The following AGBL1 variants were observed in gnomAD, a reference collection of about 807,000 sequenced individuals.
AGBL1 encodes the protein AGBL carboxypeptidase 1, also known as cytosolic carboxypeptidase 4.
In AGBL1, 130 loss-of-function variants were observed where a neutral mutation model predicts 118.9. That is an observed-to-expected ratio of 1.09 (90% CI 0.95 to 1.26). The LOEUF is 1.26. Among genes scored for constraint, AGBL1 ranks in the 50% most tolerant of loss-of-function variants. The pLI is 0.00. For missense variants in AGBL1, 1,584 were observed against 1,298.1 expected (o/e 1.22, Z -3.38); for synonymous variants, 555 against 478.9 (o/e 1.16, Z -2.08).
chr15:86,731,178 T>G (rs1007202075), intron 22 of AGBL1, among the ~76,000 whole-genome samples: 14 of 152,174 alleles, frequency 9.2e-5, no homozygotes, highest in Admixed American at 4.6e-4. Context: ...ACATGAATTA[T>G]GTCCAAACTA....
At chr15:86,968,176 A>G (rs1173474819) in intron 23 of AGBL1, among the ~76,000 whole-genome samples, 1 of 151,884 alleles carries the variant, frequency 6.6e-6, no homozygotes, top group East Asian at 1.9e-4. Context: ...CATTTGGAGT[A>G]GTGACAATGA....
intron 22 of AGBL1, among the ~76,000 whole-genome samples, chr15:86,769,404 A>G (rs1169295909): frequency 6.6e-6 from 1 of 151,974 alleles, no homozygotes; most frequent in Admixed American, 6.6e-5. Flanking sequence ...TTGGCTATAA[A>G]TGCCTTTGCT....
At chr15:86,498,873 C>T (rs2082885092) in intron 18 of AGBL1, among the ~76,000 whole-genome samples, 1 of 151,802 alleles carries the variant, frequency 6.6e-6, no homozygotes, top group Admixed American at 6.6e-5. Context: ...AAAGTACAGG[C>T]CTGAATTTTC....
intron 23 of AGBL1, among the ~76,000 whole-genome samples, chr15:86,987,251 G>C (rs1017614692): frequency 4.6e-5 from 7 of 152,234 alleles, no homozygotes; most frequent in Non-Finnish European, 5.9e-5. Context: ...GGGCTCAGAG[G>C]CCTGACAGTT....
At chr15:86,718,402 A>G (rs922841249) in intron 22 of AGBL1, among the ~76,000 whole-genome samples, 2 of 152,132 alleles carry the variant, frequency 1.3e-5, no homozygotes, top group Non-Finnish European at 1.5e-5. Context: ...GGGTGTAGGC[A>G]GGAGGGATAG....
intron 18 of AGBL1, among the ~76,000 whole-genome samples, chr15:86,443,692 A>C (rs1213315561): frequency 6.6e-6 from 1 of 152,192 alleles, no homozygotes. Context: ...TATGAAAGAA[A>C]ACATAGTATT....
chr15:86,527,070 G>C (rs2346741), intron 19 of AGBL1, among the ~76,000 whole-genome samples: 103,385 of 152,118 alleles, frequency 0.68, 37,101 homozygotes, highest in African/African-American at 0.92. Flanking sequence ...TCTCCCTCCT[G>C]CAATCTTAGA....
chr15:86,346,339 T>C (rs1197204638), intron 17 of AGBL1, among the ~76,000 whole-genome samples: 1 of 151,050 alleles, frequency 6.6e-6, no homozygotes, highest in Admixed American at 6.6e-5. Flanking sequence ...TCATTCTTTC[T>C]TTTCTTTTCT....
In AGBL1 at chr15:86,121,608, A is replaced by C. The variant is rs138215055; in HGVS notation, c.52-20396A>C. On this transcript the variant is annotated intron_variant, in intron 1 of 22. Transcript: ENST00000614907. ...CATGTACTCGACAATAGTCATATTAAAGAACTGAAGTCTGAGTTTCTGATT... is the reference window on the plus strand; with the variant it reads ...CATGTACTCGACAATAGTCATATTACAGAACTGAAGTCTGAGTTTCTGATT... 1.5e-4 allele frequency among the ~76,000 whole-genome samples: 23 copies of C among 152,342 alleles called. 1 individual carries two copies. The East Asian group carries it at 4.0e-3, about 27-fold the overall frequency.
rs540382044 is a variant in AGBL1, at chr15:86,806,799, GCTTA to G, written c.3159-100284_3159-100281del. Among the ~76,000 whole-genome samples, 171 of 150,560 alleles carry G rather than the reference GCTTA, an allele frequency of 1.1e-3. 1 individual carries two copies. The highest frequency in any genetic ancestry group is 5.2e-3 in the South Asian group (25 of 4,772). On this transcript the variant is annotated intron_variant, in intron 22 of 22. Coordinates refer to ENST00000614907, the MANE Select transcript of AGBL1 (RefSeq NM_001386094.1). ...CATAATGCATATAATATATAATGATGCTTACTTGTACACTATATAAATATTATAA... is the reference window on the plus strand; with the variant it reads ...CATAATGCATATAATATATAATGATGCTTGTACACTATATAAATATTATAA...
chr15:86,999,577 T>C (rs974164977), intron 24 of AGBL1, among the ~76,000 whole-genome samples: 1 of 149,222 alleles, frequency 6.7e-6, no homozygotes, highest in Non-Finnish European at 1.5e-5. Context: ...TATGGCTGCA[T>C]AGTATTCCAT....
At chr15:86,992,562 T>C (rs753909316) in intron 24 of AGBL1, among the ~76,000 whole-genome samples, 1 of 152,128 alleles carries the variant, frequency 6.6e-6, no homozygotes, top group Non-Finnish European at 1.5e-5. Flanking sequence ...ATTGCAGTCT[T>C]ATTGGCTAGG....
chr15:86,633,799 GTATATATATATAA>G (rs1567093887), intron 21 of AGBL1, among the ~76,000 whole-genome samples: 2,502 of 86,826 alleles, frequency 0.029, 68 homozygotes, highest in African/African-American at 0.074. Context: ...TATATATAAT[GTATATATATATAA>G]TGTATGTATA....
At chr15:86,686,169 G>A (rs1276318161) in intron 22 of AGBL1, among the ~76,000 whole-genome samples, 1 of 152,168 alleles carries the variant, frequency 6.6e-6, no homozygotes, top group Non-Finnish European at 1.5e-5. Flanking sequence ...AGGTCTACAT[G>A]ATATTGGCTA....
intron 22 of AGBL1, among the ~76,000 whole-genome samples, chr15:86,799,773 G>A (rs1169025261): frequency 6.6e-6 from 1 of 152,016 alleles, no homozygotes; most frequent in Non-Finnish European, 1.5e-5. Flanking sequence ...AAAGTTCTAG[G>A]GAATTGCATA....
intron 5 of AGBL1, among the ~76,000 whole-genome samples, chr15:86,196,449 C>A (rs1206701825): frequency 6.6e-6 from 1 of 152,086 alleles, no homozygotes; most frequent in Non-Finnish European, 1.5e-5. Flanking sequence ...GTCTCAGAAT[C>A]CCCAAATGTA....
intron 5 of AGBL1, among the ~76,000 whole-genome samples, chr15:86,222,928 C>A (rs1223429421): frequency 6.6e-6 from 1 of 152,130 alleles, no homozygotes; most frequent in South Asian, 2.1e-4. Context: ...CTTTCATGTG[C>A]ATATAAATTA....
chr15:86,288,709 T>G (rs1164088458), intron 16 of AGBL1, among the ~76,000 whole-genome samples: 1 of 152,148 alleles, frequency 6.6e-6, no homozygotes, highest in African/African-American at 2.4e-5. Context: ...AGACAAAGTT[T>G]GACATGTGTC....
intron 18 of AGBL1, among the ~76,000 whole-genome samples, chr15:86,520,163 T>C (rs1330711294): frequency 6.6e-6 from 1 of 152,198 alleles, no homozygotes; most frequent in East Asian, 1.9e-4. Context: ...CCAATGAATG[T>C]AGTCAAAGTT....
Sources: gnomAD v4.1 joint callset for allele counts (sites outside exome capture counted in the v4.1 genomes callset) on GRCh38, gnomAD v4.1.1 for gene constraint, MANE v1.5 for transcripts, NCBI Gene and HGNC (gene_info 2026-07-23, HGNC 2026-07-21) for gene names.